CD274: variants seen among roughly 807,000 people sequenced by gnomAD.
CD274 encodes the protein programmed cell death 1 ligand 1.
CD274 carries 8 observed loss-of-function variants against 30.1 expected under a neutral mutation model. The observed-to-expected ratio is 0.27, with a 90% CI of 0.16 to 0.48. CD274 has a LOEUF of 0.48. Ranked by LOEUF, CD274 falls within the 20% of genes least tolerant of loss-of-function variation. CD274 has a pLI of 0.99. For synonymous variants in CD274, 152 were observed against 124.6 expected (o/e 1.22, Z -1.46); for missense variants, 353 against 346.6 (o/e 1.02, Z -0.15).
At chr9:5,457,906 A>G (rs1170907089) in intron 3 of CD274, among the ~76,000 whole-genome samples, 6 of 152,098 alleles carry the variant, frequency 3.9e-5, no homozygotes, top group Non-Finnish European at 5.9e-5. Context: ...GCCTCTCTAT[A>G]TCAAATGCAA....
chr9:5,453,234 A>T (rs1819238985), intron 1 of CD274, among the ~76,000 whole-genome samples: 2 of 152,192 alleles, frequency 1.3e-5, no homozygotes, highest in South Asian at 4.1e-4. Context: ...TATTTCACTT[A>T]ACCTTTTTAT....
intron 1 of CD274, among the ~76,000 whole-genome samples, chr9:5,455,180 G>C (rs1819278871): frequency 6.6e-6 from 1 of 152,154 alleles, no homozygotes; most frequent in Admixed American, 6.5e-5. Context: ...ATGTATAACA[G>C]AAGAGGGAGA....
intron 3 of CD274, among the ~76,000 whole-genome samples, chr9:5,460,283 A>G (rs1261035268): frequency 6.6e-6 from 1 of 152,146 alleles, no homozygotes; most frequent in African/African-American, 2.4e-5. Flanking sequence ...GCAGTAGTAA[A>G]AGGAGGAAGA....
At position 5,470,467 on chromosome 9, in the gene CD274, A is replaced by G. The variant is rs776313826; in HGVS notation, c.*2605A>G. ...TGTACCTGCATTAATTTAATAAAAT[A>G]TTCTTATTTATTTTGTTACTTGGTA... On this transcript the variant is annotated 3_prime_UTR_variant, in exon 7 of 7. Transcript: ENST00000381577. The G allele has an allele frequency of 1.8e-5, 4 of 222,320 alleles. No individual in the cohort carries two copies. Among genetic ancestry groups the G allele is most frequent in the Non-Finnish European group, 3.6e-5 (4 of 111,312 alleles). The allele number at this position is 222,320 out of a possible 1,614,324, so 13.8% of individuals were successfully genotyped here.
At chr9:5,457,724 T>C (rs1308599404) in intron 3 of CD274, among the ~76,000 whole-genome samples, 2 of 152,190 alleles carry the variant, frequency 1.3e-5, no homozygotes, top group Non-Finnish European at 2.9e-5. Flanking sequence ...TTGCAAATAA[T>C]TCAGATACTG....
In CD274 at chr9:5,457,250, A is replaced by C. The variant is rs1203063146; in HGVS notation, c.224A>C (p.Lys75Thr). ...IQFVHGEEDL[K>T]VQHSSYRQRA... ...TTTGTGCATGGAGAGGAAGACCTGAAGGTTCAGCATAGTAGCTACAGACAG... is the reference window on the plus strand; with the variant it reads ...TTTGTGCATGGAGAGGAAGACCTGACGGTTCAGCATAGTAGCTACAGACAG... Residue 75 changes from lysine to threonine, a missense_variant, in exon 3 of 7, where the codon AAG (lysine) becomes ACG (threonine). Coordinates refer to ENST00000381577, the MANE Select transcript of CD274 (RefSeq NM_014143.4). The C allele has an allele frequency of 4.3e-6, 7 of 1,614,134 alleles. No individual in the cohort carries two copies. The highest frequency in any genetic ancestry group is 5.9e-6 in the Non-Finnish European group (7 of 1,180,010).
chr9:5,455,807 A>G (rs1819290971), intron 1 of CD274, among the ~76,000 whole-genome samples: 1 of 152,178 alleles, frequency 6.6e-6, no homozygotes, highest in Non-Finnish European at 1.5e-5. Context: ...ATTTGGTGCA[A>G]TATTATCTTC....
rs1819298628 is a variant in CD274 at position 5,456,162 on chromosome 9, A to C, written c.49A>C (p.Asn17His). 1.3e-6 allele frequency: 2 copies of C among 1,599,114 alleles called. No homozygotes were observed. Among genetic ancestry groups the C allele is most frequent in the African/African-American group, 2.7e-5 (2 of 74,728 alleles). ...ATTCATGACCTACTGGCATTTGCTG[A>C]ACGGTAAGACACCAAATCCTTCCAT... ...FIFMTYWHLLNAFTVTVPKDL... is the reference protein window; with the variant it reads ...FIFMTYWHLLHAFTVTVPKDL... Residue 17 changes from asparagine (N) to histidine (H), a missense_variant, in exon 2 of 7, where the codon AAC (asparagine) becomes CAC (histidine). By Grantham distance (68) the Asn-to-His change is moderately conservative. Transcript: ENST00000381577.
intron 3 of CD274, among the ~76,000 whole-genome samples, chr9:5,460,004 T>C (rs1331925956): frequency 1.1e-5 from 1 of 88,306 alleles, no homozygotes; most frequent in East Asian, 1.3e-3. Context: ...TTGTTTATTG[T>C]CTCTCTCCTC....
intron 4 of CD274, among the ~76,000 whole-genome samples, chr9:5,463,678 A>G (rs1819447721): frequency 6.6e-6 from 1 of 152,216 alleles, no homozygotes; most frequent in African/African-American, 2.4e-5. Context: ...CAACTCTAGC[A>G]GTCTGCTTAG....
At chr9:5,454,594 G>T (rs1819266534) in intron 1 of CD274, among the ~76,000 whole-genome samples, 1 of 151,884 alleles carries the variant, frequency 6.6e-6, no homozygotes, top group Non-Finnish European at 1.5e-5. Flanking sequence ...TCAGTTTGCT[G>T]TTATGAGCAA....
intron 1 of CD274, among the ~76,000 whole-genome samples, chr9:5,455,142 C>T (rs543910081): frequency 2.0e-5 from 3 of 148,958 alleles, no homozygotes; most frequent in Non-Finnish European, 2.9e-5. Context: ...GGAAAACTTA[C>T]CTCTTTCTTA....
chr9:5,458,377 G>C (rs1196650589), intron 3 of CD274, among the ~76,000 whole-genome samples: 1 of 152,092 alleles, frequency 6.6e-6, no homozygotes, highest in Non-Finnish European at 1.5e-5. Flanking sequence ...CTGCCATTTG[G>C]ATATCCCTTC....
At chr9:5,455,648 G>A (rs926855565) in intron 1 of CD274, among the ~76,000 whole-genome samples, 2 of 152,172 alleles carry the variant, frequency 1.3e-5, no homozygotes, top group Admixed American at 6.5e-5. Context: ...ATAGCTAAAG[G>A]GTAAGATGAA....
At chr9:5,461,469 A>G (rs1437893160) in intron 3 of CD274, among the ~76,000 whole-genome samples, 1 of 152,164 alleles carries the variant, frequency 6.6e-6, no homozygotes, top group Non-Finnish European at 1.5e-5. Flanking sequence ...TAGTGGTTTC[A>G]TTGATATAGG....
intron 3 of CD274, among the ~76,000 whole-genome samples, chr9:5,462,279 C>G (rs1407134105): frequency 6.6e-6 from 1 of 151,886 alleles, no homozygotes; most frequent in Admixed American, 6.6e-5. Flanking sequence ...TTACTGAAGT[C>G]TAAGAAAAGA....
Position 5,457,221 on chromosome 9 carries a change from T to G in CD274, c.195T>G (p.Ile65Met), listed in dbSNP as rs761553210. ...GGGAAATGGAGGATAAGAACATTAT[T>G]CAATTTGTGCATGGAGAGGAAGACC... The part of the protein sequence containing the change: ...VYWEMEDKNI[I>M]QFVHGEEDLK... The change falls in exon 3 of 7, where the codon ATT becomes ATG. Residue 65 changes from isoleucine to methionine, a missense_variant. Physicochemically the swap from Ile to Met is conservative, Grantham distance 10 (BLOSUM62 1). Transcript: ENST00000381577. 1.9e-6 allele frequency: 3 copies of G among 1,613,984 alleles called. No homozygotes were observed. The highest frequency in any genetic ancestry group is 2.5e-6 in the Non-Finnish European group (3 of 1,179,988).
intron 5 of CD274, among the ~76,000 whole-genome samples, chr9:5,466,079 C>G (rs1346934665): frequency 6.6e-6 from 1 of 152,116 alleles, no homozygotes; most frequent in East Asian, 1.9e-4. Flanking sequence ...CCTGTGGGAA[C>G]AATTAAAATC....
At position 5,468,821 on chromosome 9, in the gene CD274, C is replaced by G. The variant is rs1352460977; in HGVS notation, c.*959C>G. 8.6e-6 allele frequency: 2 copies of G among 232,970 alleles called. No individual in the cohort carries two copies. The highest frequency in any genetic ancestry group is 2.2e-5 in the African/African-American group (1 of 45,346). 14.4% of individuals were successfully genotyped at this position (232,970 alleles called of 1,614,324 possible). ...TGCCACCCACTGTCCTTTTATAATA[C>G]AATTTACAGCTATATTTTACTTTAA... On this transcript the variant is annotated 3_prime_UTR_variant, in exon 7 of 7. Coordinates refer to ENST00000381577, the MANE Select transcript of CD274 (RefSeq NM_014143.4).
Sources: allele counts gnomAD v4.1 joint callset (sites outside exome capture counted in the v4.1 genomes callset), GRCh38; gene constraint gnomAD v4.1.1; transcripts MANE v1.5; gene names NCBI Gene and HGNC (gene_info 2026-07-23, HGNC 2026-07-21).